Variants in ITGBL1 observed in about 807,000 individuals in gnomAD.
The protein encoded by ITGBL1 is integrin subunit beta like 1.
A neutral mutation model predicts 68.5 loss-of-function variants in ITGBL1; 51 were observed. That is an observed-to-expected ratio of 0.74 (90% CI 0.59 to 0.94). The LOEUF (loss-of-function observed/expected upper bound fraction) is 0.94. ITGBL1 is among the 40% of genes least tolerant of loss of function. The pLI is 0.00. For missense variants in ITGBL1, 649 were observed against 647.4 expected (o/e 1.00, Z -0.03); for synonymous variants, 209 against 227.3 (o/e 0.92, Z 0.72).
chr13:101,458,998 G>A (rs1470504941), intron 2 of ITGBL1, among the ~76,000 whole-genome samples: 2 of 152,156 alleles, frequency 1.3e-5, no homozygotes, highest in Admixed American at 6.6e-5. Context: ...GTCCAAGGAT[G>A]AGTAAGATGA....
intron 2 of ITGBL1, among the ~76,000 whole-genome samples, chr13:101,506,815 A>G (rs977821931): frequency 6.6e-6 from 1 of 152,166 alleles, no homozygotes; most frequent in Non-Finnish European, 1.5e-5. Context: ...CTGTAAACTA[A>G]TTACCCATTG....
intron 7 of ITGBL1, among the ~76,000 whole-genome samples, chr13:101,641,058 A>G (rs912800214): frequency 3.3e-5 from 5 of 152,250 alleles, no homozygotes; most frequent in East Asian, 1.9e-4. Context: ...TTTTATGCCT[A>G]TGTTCTGAGT....
chr13:101,567,557 C>A, intron 2 of ITGBL1, 142 bp from the exon 3 acceptor site: 3 of 599,248 alleles, frequency 5.0e-6, no homozygotes, highest in South Asian at 3.3e-5. Context: ...AATAGCATTA[C>A]CCCTCAGCCA....
intron 8 of ITGBL1, among the ~76,000 whole-genome samples, chr13:101,696,866 G>A (rs188339887): frequency 6.6e-6 from 1 of 152,126 alleles, no homozygotes; most frequent in East Asian, 1.9e-4. Flanking sequence ...AACTATTCCA[G>A]TTTTGGATAC....
intron 2 of ITGBL1, among the ~76,000 whole-genome samples, chr13:101,481,185 TGAGA>T (rs5806223): frequency 6.8e-6 from 1 of 147,666 alleles, no homozygotes; most frequent in Non-Finnish European, 1.5e-5. Flanking sequence ...TATATACATA[TGAGA>T]GAGAGAGAGA....
chr13:101,569,169 A>T (rs1238260749), intron 3 of ITGBL1, among the ~76,000 whole-genome samples: 2 of 152,008 alleles, frequency 1.3e-5, no homozygotes, highest in Non-Finnish European at 2.9e-5. Context: ...TGAAAAAATT[A>T]TTCTTTTCAA....
intron 7 of ITGBL1, among the ~76,000 whole-genome samples, chr13:101,616,747 T>A (rs2031379000): frequency 6.6e-6 from 1 of 152,200 alleles, no homozygotes; most frequent in Admixed American, 6.5e-5. Context: ...CACCTCGACC[T>A]CCCAAAGTGC....
At chr13:101,622,592 T>C (rs1440679403) in intron 7 of ITGBL1, among the ~76,000 whole-genome samples, 1 of 152,196 alleles carries the variant, frequency 6.6e-6, no homozygotes. Context: ...TTGATTTTCT[T>C]TGTATTTCTA....
chr13:101,642,584 A>T (rs1362288147), intron 7 of ITGBL1, among the ~76,000 whole-genome samples: 1 of 152,056 alleles, frequency 6.6e-6, no homozygotes, highest in Non-Finnish European at 1.5e-5. Context: ...GCCATTTGTC[A>T]GTTTTGGCTT....
At chr13:101,665,903 C>A (rs1229524885) in intron 7 of ITGBL1, among the ~76,000 whole-genome samples, 1 of 152,182 alleles carries the variant, frequency 6.6e-6, no homozygotes, top group Admixed American at 6.5e-5. Flanking sequence ...ATGTGAGGAT[C>A]TGCCCAGCAA....
chr13:101,537,254 G>A (rs1336457602), intron 2 of ITGBL1, among the ~76,000 whole-genome samples: 1 of 151,944 alleles, frequency 6.6e-6, no homozygotes, highest in African/African-American at 2.4e-5. Context: ...GTCAGAGACT[G>A]GCTCTCCAGG....
At chr13:101,467,174 A>G (rs1323502410) in intron 2 of ITGBL1, among the ~76,000 whole-genome samples, 1 of 152,134 alleles carries the variant, frequency 6.6e-6, no homozygotes, top group African/African-American at 2.4e-5. Flanking sequence ...TAATACTGTC[A>G]CGTTGGGGAT....
In ITGBL1 at chr13:101,619,994, T is replaced by C. The variant is rs1372164983; in HGVS notation, c.1015+21695T>C. Among the ~76,000 whole-genome samples, 3 of 152,170 alleles carry C rather than the reference T, an allele frequency of 2.0e-5. No individual in the cohort carries two copies. In the East Asian group the frequency reaches 5.8e-4, roughly 29 times the overall value. On this transcript the variant is annotated intron_variant, in intron 7 of 10. Coordinates refer to ENST00000376180, the MANE Select transcript of ITGBL1 (RefSeq NM_004791.3). ...TTACAATTTATTCCATGTTGTAATA[T>C]AATCTTGGTATATTGTTTTTAATGA...
chr13:101,600,609 C>T (rs2030308327), intron 7 of ITGBL1, among the ~76,000 whole-genome samples: 3 of 152,034 alleles, frequency 2.0e-5, no homozygotes, highest in African/African-American at 4.8e-5. Flanking sequence ...TGAGATACAT[C>T]CCATCAATAC....
intron 2 of ITGBL1, among the ~76,000 whole-genome samples, chr13:101,544,651 G>A (rs541417518): frequency 3.3e-5 from 5 of 152,318 alleles, no homozygotes; most frequent in African/African-American, 1.2e-4. Context: ...CGCCCCCAGA[G>A]GTGGAGTCTA....
At chr13:101,696,844 T>C (rs2034014734) in intron 8 of ITGBL1, among the ~76,000 whole-genome samples, 1 of 152,030 alleles carries the variant, frequency 6.6e-6, no homozygotes, top group Admixed American at 6.5e-5. Flanking sequence ...TTAAGGAGAA[T>C]GAGAAAGGAA....
rs544779142 is a variant in ITGBL1, at chr13:101,692,827, T to C, written c.1132+126T>C. ...AAGATAAACAGAAAGCAATATACCA[T>C]TGAACCTAAAAGCAATATACAATTA... is the stretch of plus-strand genomic sequence containing the variant. On this transcript the variant is annotated intron_variant, in intron 8 of 10. Coordinates refer to ENST00000376180, the MANE Select transcript of ITGBL1 (RefSeq NM_004791.3). The C allele has an allele frequency of 5.9e-5, 42 of 706,434 alleles. No homozygotes were observed. The African/African-American group carries it at 6.5e-4, about 11-fold the overall frequency. The allele number at this position is 706,434 out of a possible 1,614,324, so 43.8% of individuals were successfully genotyped here. A position where few individuals can be genotyped will look rare whatever the true frequency, so the allele number is the denominator to read the frequency against.
chr13:101,603,290 G>C (rs1821713), intron 7 of ITGBL1, among the ~76,000 whole-genome samples: 1 of 151,982 alleles, frequency 6.6e-6, no homozygotes, highest in Non-Finnish European at 1.5e-5. Flanking sequence ...GAAAACTCCA[G>C]AAAGTGTCTC....
intron 7 of ITGBL1, among the ~76,000 whole-genome samples, chr13:101,619,424 C>A (rs186526746): frequency 1.3e-5 from 2 of 152,174 alleles, no homozygotes; most frequent in Admixed American, 1.3e-4. Flanking sequence ...CCTACCACTA[C>A]TGCCTTTGAA....
Sources: gnomAD v4.1 joint callset for allele counts (sites outside exome capture counted in the v4.1 genomes callset) on GRCh38, gnomAD v4.1.1 for gene constraint, MANE v1.5 for transcripts, NCBI Gene and HGNC (gene_info 2026-07-23, HGNC 2026-07-21) for gene names.